Variants in LSAMP observed in about 807,000 individuals in gnomAD.
LSAMP encodes the protein limbic system-associated membrane protein.
LSAMP carries 7 observed loss-of-function variants against 38.6 expected under a neutral mutation model. The observed-to-expected ratio is 0.18, with a 90% CI of 0.10 to 0.34. The LOEUF is 0.34. Ranked by LOEUF, LSAMP falls within the 10% of genes least tolerant of loss-of-function variation. The probability of loss-of-function intolerance (pLI) is 1.00; values close to 1 mark genes in which losing one functional copy is unlikely to be tolerated. For synonymous variants in LSAMP, 154 were observed against 166.8 expected, an observed-to-expected ratio of 0.92 and a Z score of 0.59; for missense variants, 313 against 420.0, an observed-to-expected ratio of 0.75 and a Z score of 2.23.
chr3:116,016,286 A>T (rs1276533329), intron 3 of LSAMP, among the ~76,000 whole-genome samples: 1 of 152,194 alleles, frequency 6.6e-6, no homozygotes, highest in African/African-American at 2.4e-5. Context: ...GATTATGATC[A>T]GTTGGTTATT....
At chr3:116,410,111 A>G (rs763670376) in intron 1 of LSAMP, among the ~76,000 whole-genome samples, 4 of 152,034 alleles carry the variant, frequency 2.6e-5, no homozygotes, top group African/African-American at 4.8e-5. Flanking sequence ...TGAGGATACA[A>G]TTTTCAGCAC....
rs557350335 is a variant in LSAMP, at chr3:115,853,083, T to C, written c.515-466A>G. Among the ~76,000 whole-genome samples the C allele has an allele frequency of 6.4e-4, 98 of 152,326 alleles. 1 individual carries two copies. The highest frequency in any genetic ancestry group is 2.7e-3 in the Admixed American group (41 of 15,292). The stretch of plus-strand genomic sequence containing the variant: ...GGTACATGCAAATCATAAAGTGCTC[T>C]GAGGGGATATAGCACCAACATCATC... On this transcript the variant is annotated intron_variant, in intron 3 of 6. Transcript: ENST00000490035.
At chr3:116,036,190 G>C (rs1447679436) in intron 2 of LSAMP, among the ~76,000 whole-genome samples, 2 of 152,200 alleles carry the variant, frequency 1.3e-5, no homozygotes, top group African/African-American at 4.8e-5. Context: ...TTATTTAGGA[G>C]TGTATGGGTC....
chr3:116,375,828 AT>A (rs2048487177), intron 1 of LSAMP, among the ~76,000 whole-genome samples: 1 of 151,988 alleles, frequency 6.6e-6, no homozygotes, highest in African/African-American at 2.4e-5. Context: ...TGTTTTTAAG[AT>A]TAAAATCCAT....
rs548489860 is a variant in LSAMP at position 115,820,309 on chromosome 3, A to C, written c.920-9895T>G. Among the ~76,000 whole-genome samples, 6 of 152,280 alleles carry C rather than the reference A, an allele frequency of 3.9e-5. No individual in the cohort carries two copies. The South Asian group carries it at 1.0e-3, about 26-fold the overall frequency. ...ATATTAATCTTGCTTCAGCAAATAC[A>C]CTTAACAAATAAGTATGGCAGTGAA... On this transcript the variant is annotated intron_variant, in intron 6 of 6. Transcript: ENST00000490035.
At chr3:116,059,448 C>T (rs1941551823) in intron 2 of LSAMP, among the ~76,000 whole-genome samples, 1 of 152,164 alleles carries the variant, frequency 6.6e-6, no homozygotes, top group Non-Finnish European at 1.5e-5. Context: ...AGATATCTAG[C>T]TCCTGAAAAT....
chr3:116,422,969 T>C (rs1713001), intron 1 of LSAMP, among the ~76,000 whole-genome samples: 130,192 of 152,142 alleles, frequency 0.86, 55,899 homozygotes, highest in Middle Eastern at 0.98. Context: ...TGTTTACTGC[T>C]TTCCTCTTCA....
rs137888685 is a variant in LSAMP at position 115,873,859 on chromosome 3, G to C, written c.515-21242C>G. Among the ~76,000 whole-genome samples, 1,226 of 152,188 alleles carry C rather than the reference G, an allele frequency of 8.1e-3. 17 individuals are homozygous for C. Among genetic ancestry groups the C allele is most frequent in the African/African-American group, 0.028 (1,143 of 41,528 alleles). ...CTTTCTTGTCCTAGCCTGCTGGAGAGCCTCTAGCTTGCTTCCCATTTGTTC... is the reference window on the plus strand; with the variant it reads ...CTTTCTTGTCCTAGCCTGCTGGAGACCCTCTAGCTTGCTTCCCATTTGTTC... On this transcript the variant is annotated intron_variant, in intron 3 of 6. Transcript: ENST00000490035.
At chr3:116,418,897 G>A (rs1205020534) in intron 1 of LSAMP, among the ~76,000 whole-genome samples, 2 of 152,072 alleles carry the variant, frequency 1.3e-5, no homozygotes, top group Non-Finnish European at 2.9e-5. Context: ...TTCATACTAT[G>A]CTTCATCCAT....
chr3:116,150,070 A>T (rs1380313117), intron 1 of LSAMP, among the ~76,000 whole-genome samples: 1 of 152,082 alleles, frequency 6.6e-6, no homozygotes, highest in South Asian at 2.1e-4. Context: ...TACAAAGCTG[A>T]TTCAAAAGTA....
At chr3:116,272,928 C>G (rs1008432113) in intron 1 of LSAMP, among the ~76,000 whole-genome samples, 1 of 152,028 alleles carries the variant, frequency 6.6e-6, no homozygotes, top group African/African-American at 2.4e-5. Context: ...GCATAAATAA[C>G]CTTTCAGAGT....
At chr3:115,842,086 G>T in intron 5 of LSAMP, 93 bp from the exon 6 acceptor site, 2 of 1,300,134 alleles carry the variant, frequency 1.5e-6, no homozygotes. Context: ...AGGAAAAGGA[G>T]AGAAAGGAAG....
chr3:116,422,138 A>C (rs1010395441), intron 1 of LSAMP, among the ~76,000 whole-genome samples: 1 of 152,252 alleles, frequency 6.6e-6, no homozygotes, highest in Non-Finnish European at 1.5e-5. Flanking sequence ...AATATGCATG[A>C]ATCTCAAAAA....
chr3:116,340,090 C>T (rs1156426822), intron 1 of LSAMP, among the ~76,000 whole-genome samples: 2 of 152,030 alleles, frequency 1.3e-5, no homozygotes, highest in Non-Finnish European at 2.9e-5. Flanking sequence ...GAGAATTTGC[C>T]AGTTCTAGCT....
At chr3:116,408,888 A>C (rs548276941) in intron 1 of LSAMP, among the ~76,000 whole-genome samples, 15 of 152,180 alleles carry the variant, frequency 9.9e-5, no homozygotes, top group African/African-American at 3.4e-4. Flanking sequence ...CTCACAAGGA[A>C]TTCCTCATTA....
intron 6 of LSAMP, among the ~76,000 whole-genome samples, chr3:115,815,542 A>G (rs1457836757): frequency 6.6e-6 from 1 of 152,234 alleles, no homozygotes; most frequent in Non-Finnish European, 1.5e-5. Context: ...TTTCATCAAC[A>G]CAGCAGCAAG....
intron 2 of LSAMP, among the ~76,000 whole-genome samples, chr3:116,070,436 T>C (rs192550756): frequency 2.2e-4 from 34 of 152,260 alleles, no homozygotes; most frequent in Non-Finnish European, 3.5e-4. Flanking sequence ...CAAAACAAGA[T>C]AAGATCGAAT....
chr3:116,430,962 G>A (rs1256357773), intron 1 of LSAMP, among the ~76,000 whole-genome samples: 1 of 151,288 alleles, frequency 6.6e-6, no homozygotes. Context: ...ATGAGATTTG[G>A]TATAATCACA....
chr3:115,908,688 CTGAT>C (rs754963787), intron 3 of LSAMP, among the ~76,000 whole-genome samples: 1 of 152,158 alleles, frequency 6.6e-6, no homozygotes, highest in Non-Finnish European at 1.5e-5. Context: ...CATTATTACT[CTGAT>C]TGTTGTTAAT....
Sources: gnomAD v4.1 joint callset for allele counts (sites outside exome capture counted in the v4.1 genomes callset) on GRCh38, gnomAD v4.1.1 for gene constraint, MANE v1.5 for transcripts, NCBI Gene and HGNC (gene_info 2026-07-23, HGNC 2026-07-21) for gene names.